The following IQSEC3 variants were observed in gnomAD, a reference collection of about 807,000 sequenced individuals.
The protein encoded by IQSEC3 is IQ motif and SEC7 domain-containing protein 3.
Under a neutral mutation model 105.4 loss-of-function variants are expected in IQSEC3, and 50 were observed. The ratio of observed to expected loss-of-function variants is 0.47; its 90% CI spans 0.38 to 0.60. The LOEUF (loss-of-function observed/expected upper bound fraction) is 0.60, where lower values mean the gene tolerates loss of function less well. Ranked by LOEUF, IQSEC3 falls within the 20% of genes least tolerant of loss-of-function variation. IQSEC3 has a pLI of 0.00. For synonymous variants in IQSEC3, 708 were observed against 746.0 expected, an observed-to-expected ratio of 0.95 and a Z score of 0.83; for missense variants, 1,415 against 1,630.0, an observed-to-expected ratio of 0.87 and a Z score of 2.27.
At chr12:92,858 A>T (rs1864132793) in intron 1 of IQSEC3, among the ~76,000 whole-genome samples, 1 of 152,202 alleles carries the variant, frequency 6.6e-6, no homozygotes, top group South Asian at 2.1e-4. Context: ...TGCTGTATTG[A>T]GGAGACATTT....
chr12:87,743 G>A (rs945913413), intron 1 of IQSEC3, among the ~76,000 whole-genome samples: 10 of 152,130 alleles, frequency 6.6e-5, no homozygotes. Context: ...CAGTGGGGGA[G>A]GAAAGGGGGT....
At chr12:165,685 G>C in intron 10 of IQSEC3, 44 bp from the exon 11 acceptor site, 1 of 1,606,438 alleles carries the variant, frequency 6.2e-7, no homozygotes, top group Non-Finnish European at 8.5e-7. Context: ...GCCCTCGGCT[G>C]CTGCTGCTCA....
intron 9 of IQSEC3, among the ~76,000 whole-genome samples, chr12:164,507 C>T (rs782255293): frequency 2.6e-5 from 4 of 152,208 alleles, no homozygotes; most frequent in Non-Finnish European, 4.4e-5. Context: ...CAAAGCTCCT[C>T]CAGACCTTGC....
chr12:122,653 G>T (rs1381696566), intron 2 of IQSEC3, among the ~76,000 whole-genome samples: 1 of 152,182 alleles, frequency 6.6e-6, no homozygotes, highest in Non-Finnish European at 1.5e-5. Flanking sequence ...GATCCCACTG[G>T]GGACTTAGGG....
At chr12:70,518 T>C (rs1451696151) in intron 1 of IQSEC3, among the ~76,000 whole-genome samples, 5 of 152,290 alleles carry the variant, frequency 3.3e-5, no homozygotes, top group African/African-American at 1.2e-4. Context: ...CTTTTGCCTC[T>C]TAATGAAAGC....
chr12:139,497 G>T, intron 4 of IQSEC3, 143 bp downstream of exon 4: 1 of 583,392 alleles, frequency 1.7e-6, no homozygotes, highest in Non-Finnish European at 3.0e-6. Context: ...CATCTGTGCC[G>T]TGCCTGATCC....
Position 175,280 on chromosome 12 carries a change from C to A in IQSEC3, c.*247C>A. The A allele has an allele frequency of 2.2e-6, 1 of 451,200 alleles. No homozygotes were observed. The highest frequency in any genetic ancestry group is 3.9e-6 in the Non-Finnish European group (1 of 257,124). 27.9% of individuals were successfully genotyped at this position (451,200 alleles called of 1,614,324 possible). ...TCCCAGGGCCCTACACAGCCAGACC[C>A]GGCGAGGCCTCCTCTTCCCCTGGCC... On this transcript the variant is annotated 3_prime_UTR_variant, in exon 14 of 14. Transcript: ENST00000538872.
intron 1 of IQSEC3, among the ~76,000 whole-genome samples, chr12:88,869 G>A (rs1411853981): frequency 6.6e-6 from 1 of 152,142 alleles, no homozygotes; most frequent in African/African-American, 2.4e-5. Flanking sequence ...TGGTTGCTGA[G>A]TTTCTCAGTA....
chr12:158,384 T>C (rs1205111436), intron 7 of IQSEC3, among the ~76,000 whole-genome samples: 2 of 152,216 alleles, frequency 1.3e-5, no homozygotes, highest in Non-Finnish European at 2.9e-5. Context: ...CGCTTTTTTC[T>C]ATCTCTTTTT....
intron 1 of IQSEC3, among the ~76,000 whole-genome samples, chr12:93,070 G>A (rs941932383): frequency 6.6e-6 from 1 of 152,142 alleles, no homozygotes; most frequent in Non-Finnish European, 1.5e-5. Flanking sequence ...TGTTGTATTT[G>A]CCCTCCTAAA....
At chr12:153,319 G>T (rs1373439600) in intron 5 of IQSEC3, among the ~76,000 whole-genome samples, 2 of 152,150 alleles carry the variant, frequency 1.3e-5, no homozygotes, top group African/African-American at 4.8e-5. Flanking sequence ...CCCCCTAGAG[G>T]AGGGTGGGGA....
intron 1 of IQSEC3, among the ~76,000 whole-genome samples, chr12:89,171 C>A (rs1276890883): frequency 6.6e-6 from 1 of 152,166 alleles, no homozygotes; most frequent in Non-Finnish European, 1.5e-5. Context: ...CCCCATTCAG[C>A]CATCCCCACC....
chr12:91,585 G>C (rs1864087683), intron 1 of IQSEC3, among the ~76,000 whole-genome samples: 1 of 152,140 alleles, frequency 6.6e-6, no homozygotes, highest in Non-Finnish European at 1.5e-5. Flanking sequence ...GACCAGCCTG[G>C]GCAGCATGAT....
intron 12 of IQSEC3, among the ~76,000 whole-genome samples, chr12:170,395 C>T (rs1321297258): frequency 4.6e-5 from 7 of 152,334 alleles, no homozygotes; most frequent in East Asian, 1.9e-4. Context: ...CCCTCCACAG[C>T]GGGGTCTTTC....
At chr12:156,784 C>T (rs1866701388) in intron 5 of IQSEC3, among the ~76,000 whole-genome samples, 1 of 152,168 alleles carries the variant, frequency 6.6e-6, no homozygotes, top group Admixed American at 6.5e-5. Context: ...GTTCAGCCTC[C>T]CTCCACCCCT....
Position 169,031 on chromosome 12 carries a change from A to C in IQSEC3, c.2990A>C (p.Gln997Pro). 1 of 1,614,084 alleles carries C rather than the reference A, an allele frequency of 6.2e-7. No homozygotes were observed. The highest frequency in any genetic ancestry group is 8.5e-7 in the Non-Finnish European group (1 of 1,180,000). Residue 997 changes from glutamine to proline, a missense_variant, in exon 12 of 14, where the codon CAG (glutamine) becomes CCG (proline). Physicochemically the swap from Gln to Pro is moderately conservative, Grantham distance 76 (BLOSUM62 -1). Coordinates refer to ENST00000538872, the MANE Select transcript of IQSEC3 (RefSeq NM_001170738.2). ...IRIEWELEKQQGTKTLSFKPC... is the reference protein window; with the variant it reads ...IRIEWELEKQPGTKTLSFKPC... ...TCCTTAGGGGAGCTGGAGAAGCAGC[A>C]GGGAACAAAGACACTCTCCTTCAAG...
chr12:150,532 G>A (rs543345233), intron 5 of IQSEC3, among the ~76,000 whole-genome samples: 2 of 152,148 alleles, frequency 1.3e-5, no homozygotes, highest in Non-Finnish European at 2.9e-5. Context: ...CTCCTCCAGA[G>A]GAAAGAGTCC....
chr12:95,392 G>A (rs1447427181), intron 1 of IQSEC3, among the ~76,000 whole-genome samples: 1 of 152,110 alleles, frequency 6.6e-6, no homozygotes, highest in African/African-American at 2.4e-5. Flanking sequence ...GATAAACATT[G>A]CCCATGATCT....
At chr12:113,202 A>C (rs989226417) in intron 2 of IQSEC3, among the ~76,000 whole-genome samples, 4 of 152,188 alleles carry the variant, frequency 2.6e-5, no homozygotes, top group Non-Finnish European at 5.9e-5. Flanking sequence ...TGAGGGTTTT[A>C]ACAACCAGCA....
Sources: gnomAD v4.1 joint callset for allele counts (sites outside exome capture counted in the v4.1 genomes callset) on GRCh38, gnomAD v4.1.1 for gene constraint, MANE v1.5 for transcripts, NCBI Gene and HGNC (gene_info 2026-07-23, HGNC 2026-07-21) for gene names.